The following COL21A1 variants were observed in gnomAD, a reference collection of about 807,000 sequenced individuals.
The protein encoded by COL21A1 is collagen type XXI alpha 1 chain, also known as collagen alpha-1(XXI) chain.
In COL21A1, 149 loss-of-function variants were observed where a neutral mutation model predicts 137.9. The ratio of observed to expected loss-of-function variants is 1.08; its 90% CI spans 0.95 to 1.24. The LOEUF (loss-of-function observed/expected upper bound fraction) is 1.24. Ranked by LOEUF, COL21A1 falls within the 50% of genes most tolerant of loss-of-function variation. The probability of loss-of-function intolerance (pLI) is 0.00; values close to 1 mark genes in which losing one functional copy is unlikely to be tolerated. For synonymous variants in COL21A1, 456 were observed against 391.5 expected (o/e 1.16, Z -1.95); for missense variants, 1,167 against 1,158.4 (o/e 1.01, Z -0.11).
intron 12 of COL21A1, among the ~76,000 whole-genome samples, chr6:56,132,435 T>A (rs138294016): frequency 6.6e-6 from 1 of 152,084 alleles, no homozygotes; most frequent in South Asian, 2.1e-4. Context: ...TGAGGAAGGA[T>A]TAGCCCTGCC....
At chr6:56,321,932 G>A (rs1373827786) in intron 1 of COL21A1, among the ~76,000 whole-genome samples, 1 of 152,066 alleles carries the variant, frequency 6.6e-6, no homozygotes, top group Non-Finnish European at 1.5e-5. Flanking sequence ...TTTTAAAATC[G>A]TTTTGAAGCG....
Position 56,171,040 on chromosome 6 carries a change from A to G in COL21A1, c.729T>C (p.Val243=). The G allele has an allele frequency of 6.2e-7, 1 of 1,607,352 alleles. No homozygotes were observed. The change falls in exon 4 of 30, where the codon GTT becomes GTC. Residue 243 remains valine, a synonymous_variant. Transcript: ENST00000244728. ...ILLGLDVNKK[V]KKRIQLSPKK... is the part of the protein sequence containing the mutation. ...TTGGTGAAAGCTGTATTCTTTTCTT[A>G]ACCTTTTTATTTACATCTAAACCTA...
chr6:56,112,877 T>C (rs1386868344), intron 16 of COL21A1, among the ~76,000 whole-genome samples: 1 of 151,904 alleles, frequency 6.6e-6, no homozygotes, highest in African/African-American at 2.4e-5. Context: ...AGAGATGGGG[T>C]TTCTCCATGT....
chr6:56,279,288 C>T (rs1763741436), intron 1 of COL21A1, among the ~76,000 whole-genome samples: 1 of 152,102 alleles, frequency 6.6e-6, no homozygotes, highest in African/African-American at 2.4e-5. Context: ...AATCAGATGC[C>T]AGCATAATTT....
intron 1 of COL21A1, among the ~76,000 whole-genome samples, chr6:56,374,897 TTCTTTAGAC>T (rs1284865510): frequency 2.2e-4 from 34 of 151,688 alleles, no homozygotes; most frequent in African/African-American, 7.7e-4. Context: ...CTTGGTGAGA[TTCTTTAGAC>T]TCTCATGAAC....
intron 1 of COL21A1, among the ~76,000 whole-genome samples, chr6:56,390,495 GACACACACACAC>G (rs35424168): frequency 2.9e-5 from 4 of 139,784 alleles, no homozygotes; most frequent in African/African-American, 5.3e-5. Flanking sequence ...TGGCTGAATG[GACACACACACAC>G]ACACACACAC....
chr6:56,253,941 T>G (rs1782914112), intron 1 of COL21A1, among the ~76,000 whole-genome samples: 1 of 152,182 alleles, frequency 6.6e-6, no homozygotes, highest in Admixed American at 6.5e-5. Flanking sequence ...TAGATCCAGA[T>G]GTAACACCCC....
intron 1 of COL21A1, among the ~76,000 whole-genome samples, chr6:56,359,850 C>T (rs566960709): frequency 5.9e-5 from 9 of 152,192 alleles, no homozygotes; most frequent in African/African-American, 2.2e-4. Context: ...AAGTCCTATC[C>T]GTGTCCTAGA....
intron 12 of COL21A1, among the ~76,000 whole-genome samples, chr6:56,135,235 C>A (rs74653083): frequency 0.015 from 2,221 of 151,842 alleles, 33 homozygotes; most frequent in Middle Eastern, 0.038. Flanking sequence ...TTCACACATA[C>A]AAACAACAAC....
chr6:56,216,405 G>A (rs139103402), intron 1 of COL21A1, among the ~76,000 whole-genome samples: 2 of 152,102 alleles, frequency 1.3e-5, no homozygotes, highest in African/African-American at 4.8e-5. Flanking sequence ...TATACAAACA[G>A]CAAAAATTTA....
chr6:56,097,983 A>C (rs1193984733), intron 17 of COL21A1, among the ~76,000 whole-genome samples: 3 of 66,152 alleles, frequency 4.5e-5, no homozygotes, highest in African/African-American at 7.5e-5. Flanking sequence ...AAATATATAT[A>C]AATATATATG....
chr6:56,230,849 A>C (rs1781515438), intron 1 of COL21A1, among the ~76,000 whole-genome samples: 1 of 151,994 alleles, frequency 6.6e-6, no homozygotes, highest in South Asian at 2.1e-4. Flanking sequence ...TTTCCAAAAT[A>C]AATTCATCTT....
chr6:56,197,575 A>G (rs1300815146), intron 1 of COL21A1, among the ~76,000 whole-genome samples: 1 of 152,176 alleles, frequency 6.6e-6, no homozygotes, highest in Non-Finnish European at 1.5e-5. Flanking sequence ...CAAAGAAGAC[A>G]TACAAATGGT....
At chr6:56,286,765 G>A (rs1440456699) in intron 1 of COL21A1, among the ~76,000 whole-genome samples, 1 of 152,070 alleles carries the variant, frequency 6.6e-6, no homozygotes, top group Non-Finnish European at 1.5e-5. Context: ...GATACTCAAA[G>A]CAGATAATCC....
intron 16 of COL21A1, among the ~76,000 whole-genome samples, chr6:56,116,600 C>T (rs1311801833): frequency 6.6e-6 from 1 of 151,810 alleles, no homozygotes; most frequent in Non-Finnish European, 1.5e-5. Context: ...TATAAATAAT[C>T]ACCTGAAGGT....
intron 1 of COL21A1, among the ~76,000 whole-genome samples, chr6:56,280,033 G>T (rs563608074): frequency 1.3e-5 from 2 of 151,958 alleles, no homozygotes; most frequent in Non-Finnish European, 2.9e-5. Context: ...AACACAAAAA[G>T]CTACCATCTT....
rs61738362 is a variant in COL21A1, at chr6:56,182,610, G to A, written c.9C>T (p.His3=). 6,419 of 1,599,408 alleles carry A rather than the reference G, an allele frequency of 4.0e-3. 223 individuals carry two copies. In the African/African-American group the frequency reaches 0.076, roughly 19 times the overall value. Residue 3 remains histidine, a synonymous_variant, in exon 2 of 30, where the codon CAC becomes CAT. Coordinates refer to ENST00000244728, the MANE Select transcript of COL21A1 (RefSeq NM_030820.4). MA[H]YITFLCMVLV... Reference sequence around the variant, plus strand: ...AAACCATGCAGAGAAATGTAATATAGTGAGCCATGTTTCTGTTTTCGTTCT... The same window carrying A: ...AAACCATGCAGAGAAATGTAATATAATGAGCCATGTTTCTGTTTTCGTTCT...
At chr6:56,082,957 T>C (rs1186524238) in intron 17 of COL21A1, among the ~76,000 whole-genome samples, 1 of 151,128 alleles carries the variant, frequency 6.6e-6, no homozygotes, top group South Asian at 2.1e-4. Flanking sequence ...GTTTATATAA[T>C]ATAAATCCCA....
chr6:56,146,489 C>T (rs1774847186), intron 10 of COL21A1, among the ~76,000 whole-genome samples: 1 of 151,992 alleles, frequency 6.6e-6, no homozygotes. Context: ...GGTTTATATG[C>T]TTTTACTGAT....
Sources: allele counts gnomAD v4.1 joint callset (sites outside exome capture counted in the v4.1 genomes callset), GRCh38; gene constraint gnomAD v4.1.1; transcripts MANE v1.5; gene names NCBI Gene and HGNC (gene_info 2026-07-23, HGNC 2026-07-21).